The following KCNQ5 variants were observed in gnomAD, a reference collection of about 807,000 sequenced individuals.
KCNQ5 encodes the protein potassium voltage-gated channel subfamily KQT member 5.
In KCNQ5, 30 loss-of-function variants were observed where a neutral mutation model predicts 98.2. That is an observed-to-expected ratio of 0.31 (90% CI 0.23 to 0.41). The LOEUF is 0.41. Among genes scored for constraint, KCNQ5 ranks in the 10% least tolerant of loss-of-function variants. KCNQ5 has a pLI of 1.00. For synonymous variants in KCNQ5, 458 were observed against 449.4 expected, an observed-to-expected ratio of 1.02 and a Z score of -0.24; for missense variants, 835 against 1,182.5, an observed-to-expected ratio of 0.71 and a Z score of 4.31.
intron 1 of KCNQ5, among the ~76,000 whole-genome samples, chr6:72,736,538 C>T (rs1489119105): frequency 1.6e-5 from 2 of 126,044 alleles, no homozygotes; most frequent in Non-Finnish European, 3.1e-5. Context: ...CTCGCTCTGT[C>T]GCCCAGGCTG....
intron 1 of KCNQ5, among the ~76,000 whole-genome samples, chr6:72,723,569 A>G (rs1269267431): frequency 6.6e-6 from 1 of 152,200 alleles, no homozygotes; most frequent in East Asian, 1.9e-4. Flanking sequence ...TGCTCATGCT[A>G]TGAATGTATG....
chr6:73,030,094 G>T (rs773458139), intron 2 of KCNQ5, among the ~76,000 whole-genome samples: 44 of 152,196 alleles, frequency 2.9e-4, no homozygotes, highest in South Asian at 1.5e-3. Flanking sequence ...AAAAGAGACT[G>T]CATATATTAG....
intron 1 of KCNQ5, among the ~76,000 whole-genome samples, chr6:72,629,223 C>G (rs1325583016): frequency 1.3e-5 from 2 of 152,194 alleles, no homozygotes; most frequent in African/African-American, 4.8e-5. Context: ...TACTTTACTA[C>G]CTACATATAT....
chr6:72,972,958 A>G (rs910341794), intron 1 of KCNQ5, among the ~76,000 whole-genome samples: 3 of 152,232 alleles, frequency 2.0e-5, no homozygotes, highest in East Asian at 3.8e-4. Context: ...TCCAACAGTT[A>G]CAACCTAGGA....
Position 73,198,821 on chromosome 6 carries a change from T to C in KCNQ5, c.*3407T>C, listed in dbSNP as rs1367225141. ...TCTCTTTTACTGGGATTATTTGTTTTAAAGTAAAACATTAAAAAGATGTCT... is the reference window on the plus strand; with the variant it reads ...TCTCTTTTACTGGGATTATTTGTTTCAAAGTAAAACATTAAAAAGATGTCT... On this transcript the variant is annotated 3_prime_UTR_variant, in exon 14 of 14. Coordinates refer to ENST00000370398, the MANE Select transcript of KCNQ5 (RefSeq NM_019842.4). The C allele has an allele frequency of 6.6e-6, 1 of 152,238 alleles. No homozygotes were observed. The highest frequency in any genetic ancestry group is 2.4e-5 in the African/African-American group (1 of 41,460). The allele number at this position is 152,238 out of a possible 1,614,324, so 9.4% of individuals were successfully genotyped here.
chr6:73,029,631 A>ATTTAAAAGTATAC (rs1771042121), intron 2 of KCNQ5, among the ~76,000 whole-genome samples: 1 of 151,740 alleles, frequency 6.6e-6, no homozygotes, highest in South Asian at 2.1e-4. Context: ...ATCTTACTCA[A>ATTTAAAAGTATAC]TTTAAAAGTA....
At chr6:73,193,506 AAATAT>A (rs1765676316) in intron 13 of KCNQ5, among the ~76,000 whole-genome samples, 1 of 148,570 alleles carries the variant, frequency 6.7e-6, no homozygotes, top group African/African-American at 2.5e-5. Flanking sequence ...AAATAAAATA[AAATAT>A]AAAATAAATA....
intron 1 of KCNQ5, among the ~76,000 whole-genome samples, chr6:72,847,351 C>T (rs1041590663): frequency 1.3e-5 from 2 of 151,984 alleles, no homozygotes; most frequent in Admixed American, 6.6e-5. Flanking sequence ...TTAGTAAAGA[C>T]GGTTTCTCCT....
chr6:73,085,131 T>C (rs1280299042), intron 5 of KCNQ5, among the ~76,000 whole-genome samples: 1 of 152,158 alleles, frequency 6.6e-6, no homozygotes, highest in Non-Finnish European at 1.5e-5. Flanking sequence ...GTTTATCAAA[T>C]GCAGCTGGTC....
intron 1 of KCNQ5, among the ~76,000 whole-genome samples, chr6:72,775,615 G>T (rs1461739934): frequency 6.6e-6 from 1 of 152,060 alleles, no homozygotes; most frequent in African/African-American, 2.4e-5. Context: ...GCTGGCAAAC[G>T]TTACCTCAGC....
chr6:72,932,216 G>A lies in KCNQ5; in HGVS notation c.399-71692G>A, dbSNP rs910567781. ...TTGAATATGAATTATAAATCTGTCG[G>A]GTGAGTGAGAGCTGGGACATGGAAA... On this transcript the variant is annotated intron_variant, in intron 1 of 13. Transcript: ENST00000370398. Among the ~76,000 whole-genome samples, 5 of 152,048 alleles carry A rather than the reference G, an allele frequency of 3.3e-5. No individual in the cohort carries two copies. In the South Asian group the frequency reaches 1.0e-3, roughly 32 times the overall value.
chr6:72,931,465 A>G (rs1009789237), intron 1 of KCNQ5, among the ~76,000 whole-genome samples: 1 of 152,288 alleles, frequency 6.6e-6, no homozygotes, highest in South Asian at 2.1e-4. Context: ...ATCAAAATGA[A>G]TATAAAGAGG....
intron 1 of KCNQ5, among the ~76,000 whole-genome samples, chr6:72,679,198 T>C (rs1205162091): frequency 1.3e-5 from 2 of 152,162 alleles, no homozygotes; most frequent in Non-Finnish European, 2.9e-5. Context: ...TTTTAAAGTA[T>C]GAAAGTCAGC....
chr6:72,947,767 T>A (rs1056753457), intron 1 of KCNQ5, among the ~76,000 whole-genome samples: 1 of 152,142 alleles, frequency 6.6e-6, no homozygotes, highest in Non-Finnish European at 1.5e-5. Flanking sequence ...TTCTGTCAAA[T>A]ATTAAATTAT....
chr6:73,059,110 A>G (rs1439893669), intron 3 of KCNQ5, among the ~76,000 whole-genome samples: 1 of 152,194 alleles, frequency 6.6e-6, no homozygotes, highest in East Asian at 1.9e-4. Flanking sequence ...AGACATATGC[A>G]CTCATATATT....
intron 1 of KCNQ5, among the ~76,000 whole-genome samples, chr6:72,994,769 G>A (rs1351313514): frequency 1.3e-5 from 2 of 152,044 alleles, no homozygotes; most frequent in Non-Finnish European, 2.9e-5. Flanking sequence ...GAAAATTGTT[G>A]GCTATTAATA....
intron 1 of KCNQ5, among the ~76,000 whole-genome samples, chr6:72,857,232 T>A (rs1056018711): frequency 6.6e-6 from 1 of 152,262 alleles, no homozygotes; most frequent in African/African-American, 2.4e-5. Context: ...AGGTTTCTAA[T>A]GTTTTAAGTT....
intron 1 of KCNQ5, among the ~76,000 whole-genome samples, chr6:72,670,410 C>T (rs763329010): frequency 4.6e-5 from 7 of 152,176 alleles, no homozygotes; most frequent in Non-Finnish European, 8.8e-5. Flanking sequence ...GTACCTCCAG[C>T]TCTTGCAGCC....
At chr6:72,907,598 A>T (rs576356449) in intron 1 of KCNQ5, among the ~76,000 whole-genome samples, 17 of 152,246 alleles carry the variant, frequency 1.1e-4, no homozygotes, top group South Asian at 8.3e-4. Flanking sequence ...ATTTCCTCCT[A>T]GGCTATCTCC....
Sources: allele counts gnomAD v4.1 joint callset (sites outside exome capture counted in the v4.1 genomes callset), GRCh38; gene constraint gnomAD v4.1.1; transcripts MANE v1.5; gene names NCBI Gene and HGNC (gene_info 2026-07-23, HGNC 2026-07-21).